Variants in CATSPERT observed in about 807,000 individuals in gnomAD.
CATSPERT encodes cation channel sperm-associated targeting subunit tau.
chr2:201,531,703 GAGA>G, the CATSPERT span, among the ~76,000 whole-genome samples: 1 of 152,174 alleles, frequency 6.6e-6, no homozygotes, highest in Non-Finnish European at 1.5e-5. Context: ...TCCCCTGACA[GAGA>G]AGAATATTAG....
At chr2:201,606,371 T>G in the CATSPERT span, among the ~76,000 whole-genome samples, 44 of 152,212 alleles carry the variant, frequency 2.9e-4, no homozygotes, top group African/African-American at 1.0e-3. Context: ...GCAATGCAAC[T>G]GCAGAGCTGT....
At chr2:201,515,874 C>T in the CATSPERT span, among the ~76,000 whole-genome samples, 1 of 152,216 alleles carries the variant, frequency 6.6e-6, no homozygotes, top group Non-Finnish European at 1.5e-5. Context: ...TCCCTTGACA[C>T]TTTATGAGCA....
chr2:201,604,725 G>T, the CATSPERT span: 1 of 1,505,974 alleles, frequency 6.6e-7, no homozygotes, highest in Non-Finnish European at 9.0e-7. Context: ...TAAGATTTGG[G>T]AAGAGAAAGA....
chr2:201,594,170 C>G, the CATSPERT span, among the ~76,000 whole-genome samples: 6 of 152,106 alleles, frequency 3.9e-5, no homozygotes, highest in Non-Finnish European at 5.9e-5. Flanking sequence ...TTAGGGCAGG[C>G]CTGGTGGTGA....
At chr2:201,584,244 C>T in the CATSPERT span, among the ~76,000 whole-genome samples, 6 of 152,186 alleles carry the variant, frequency 3.9e-5, no homozygotes, top group Non-Finnish European at 7.4e-5. Context: ...GAGCCGTGAT[C>T]GCGCCACTGC....
the CATSPERT span, among the ~76,000 whole-genome samples, chr2:201,528,564 G>A: frequency 5.3e-5 from 8 of 152,062 alleles, no homozygotes; most frequent in Non-Finnish European, 1.2e-4. Context: ...TATATTCCAC[G>A]GAATCTGATG....
chr2:201,575,131 A>G, the CATSPERT span: 1 of 563,918 alleles, frequency 1.8e-6, no homozygotes, highest in East Asian at 3.3e-5. Flanking sequence ...TTTCTATTTC[A>G]TACATTTCTA....
the CATSPERT span, among the ~76,000 whole-genome samples, chr2:201,488,586 T>C: frequency 6.6e-6 from 1 of 152,242 alleles, no homozygotes; most frequent in Non-Finnish European, 1.5e-5. Flanking sequence ...ATATAAGGTA[T>C]GAATCTAGTA....
chr2:201,580,337 T>C, the CATSPERT span, among the ~76,000 whole-genome samples: 1 of 152,228 alleles, frequency 6.6e-6, no homozygotes, highest in Non-Finnish European at 1.5e-5. Context: ...TACGGCACCA[T>C]GCAAATATCT....
At chr2:201,548,350 C>T in the CATSPERT span, among the ~76,000 whole-genome samples, 1 of 152,068 alleles carries the variant, frequency 6.6e-6, no homozygotes, top group Non-Finnish European at 1.5e-5. Flanking sequence ...AATCTTGTGT[C>T]TCTTTCTCTT....
the CATSPERT span, among the ~76,000 whole-genome samples, chr2:201,551,630 A>G: frequency 1.3e-5 from 2 of 152,214 alleles, no homozygotes; most frequent in African/African-American, 4.8e-5. Context: ...TTTTAATGCC[A>G]TGTGACACTA....
chr2:201,495,289 A>G, the CATSPERT span, among the ~76,000 whole-genome samples: 14 of 152,126 alleles, frequency 9.2e-5, no homozygotes, highest in Non-Finnish European at 1.9e-4. Context: ...TTCAACAATG[A>G]TAATGAGCTC....
the CATSPERT span, among the ~76,000 whole-genome samples, chr2:201,511,504 G>C: frequency 6.6e-6 from 1 of 152,114 alleles, no homozygotes; most frequent in Admixed American, 6.5e-5. Flanking sequence ...TCTTTTTACT[G>C]TATCATACGA....
chr2:201,598,590 A>G, the CATSPERT span, among the ~76,000 whole-genome samples: 2 of 151,350 alleles, frequency 1.3e-5, no homozygotes, highest in Non-Finnish European at 2.9e-5. Flanking sequence ...CTATAGCTCC[A>G]ACCACTTTTT....
chr2:201,562,187 C>CT, the CATSPERT span, among the ~76,000 whole-genome samples: 47,954 of 121,226 alleles, frequency 0.4, 10,898 homozygotes, highest in East Asian at 0.76. Context: ...TCTAATAATT[C>CT]TTTTTTTTTT....
chr2:201,526,655 G>T, the CATSPERT span, among the ~76,000 whole-genome samples: 2 of 152,180 alleles, frequency 1.3e-5, no homozygotes, highest in African/African-American at 4.8e-5. Flanking sequence ...CACGTGAACA[G>T]AACTAAAAAC....
chr2:201,517,618 C>G, the CATSPERT span, among the ~76,000 whole-genome samples: 149 of 152,320 alleles, frequency 9.8e-4, 1 homozygote, highest in Non-Finnish European at 1.6e-3. Flanking sequence ...CCTATTGAAC[C>G]AGCAATTTTC....
At chr2:201,613,262 G>C in the CATSPERT span, among the ~76,000 whole-genome samples, 1 of 152,194 alleles carries the variant, frequency 6.6e-6, no homozygotes, top group South Asian at 2.1e-4. Context: ...CCTCAAGTGG[G>C]TCCCTGACCC....
the CATSPERT span, among the ~76,000 whole-genome samples, chr2:201,565,109 A>C: frequency 3.9e-5 from 2 of 51,604 alleles, no homozygotes; most frequent in African/African-American, 1.1e-4. Flanking sequence ...ATACAGAAAG[A>C]AAAAAAAAAG....
Sources: gnomAD v4.1 joint callset for allele counts (sites outside exome capture counted in the v4.1 genomes callset) on GRCh38, gnomAD v4.1.1 for gene constraint, MANE v1.5 for transcripts, NCBI Gene and HGNC (gene_info 2026-07-23, HGNC 2026-07-21) for gene names.